The following UBR4 variants were observed in gnomAD, a reference collection of about 807,000 sequenced individuals.
UBR4 encodes ubiquitin protein ligase E3 component n-recognin 4.
Under a neutral mutation model 575.6 loss-of-function variants are expected in UBR4, and 124 were observed. That is an observed-to-expected ratio of 0.22 (90% CI 0.19 to 0.25). The LOEUF is 0.25. Ranked by LOEUF, UBR4 falls within the 10% of genes least tolerant of loss-of-function variation. The pLI is 1.00. For synonymous variants in UBR4, 2,455 were observed against 2,473.7 expected (o/e 0.99, Z 0.22); for missense variants, 4,818 against 6,478.8 (o/e 0.74, Z 8.80).
intron 69 of UBR4, 32 bp from the exon 70 acceptor site, chr1:19,119,733 C>A: frequency 6.3e-7 from 1 of 1,585,540 alleles, no homozygotes; most frequent in Non-Finnish European, 8.6e-7. Context: ...TGTTACCAAG[C>A]AGCAGAAAAC....
In UBR4 at chr1:19,122,855, T is replaced by C. The variant is rs1253378001; in HGVS notation, c.9794A>G (p.Gln3265Arg). The change falls in exon 66 of 106, where the codon CAA becomes CGA. Residue 3265 changes from glutamine to arginine, a missense_variant. Transcript: ENST00000375254. ...TACCAGGCTGATGAGTGTGTCATAT[T>C]GCAAGGCGGAGCCTGAGCTGGCTGT... Reference protein sequence around the residue: ...VVTASSGSALQYDTLISLMEH... With the variant: ...VVTASSGSALRYDTLISLMEH... 1 of 1,614,146 alleles carries C rather than the reference T, an allele frequency of 6.2e-7. No individual in the cohort carries two copies. The highest frequency in any genetic ancestry group is 8.5e-7 in the Non-Finnish European group (1 of 1,180,044).
chr1:19,103,287 T>C (rs1201633778), intron 87 of UBR4, among the ~76,000 whole-genome samples: 5 of 152,160 alleles, frequency 3.3e-5, no homozygotes, highest in Non-Finnish European at 4.4e-5. Flanking sequence ...TGTGAATTTT[T>C]AAAAAGAGAC....
chr1:19,210,212 C>A lies in UBR4; in HGVS notation c.37G>T (p.Ala13Ser). Residue 13 changes from alanine to serine, a missense_variant, in exon 1 of 106, where the codon GCT becomes TCT. Ala to Ser is a moderately conservative substitution (Grantham distance 99). Coordinates refer to ENST00000375254, the MANE Select transcript of UBR4 (RefSeq NM_020765.3). ...TSGGEEAAAA[A>S]PAPGTPATGA... The stretch of plus-strand genomic sequence containing the variant: ...GTTGCCGGGGTCCCCGGCGCCGGAG[C>A]CGCTGCCGCCGCCTCTTCGCCGCCG... 6.9e-7 allele frequency: 1 copy of A among 1,451,350 alleles called. No individual in the cohort carries two copies. The highest frequency in any genetic ancestry group is 9.0e-7 in the Non-Finnish European group (1 of 1,105,786). The allele number at this position is 1,451,350 out of a possible 1,614,324, so 89.9% of individuals were successfully genotyped here. A position where few individuals can be genotyped will look rare whatever the true frequency, so the allele number is the denominator to read the frequency against.
chr1:19,175,933 A>G (rs960656421), intron 20 of UBR4, among the ~76,000 whole-genome samples: 3 of 151,996 alleles, frequency 2.0e-5, no homozygotes, highest in African/African-American at 7.3e-5. Flanking sequence ...AGCTGGCACC[A>G]CAGGCACGTG....
chr1:19,189,427 A>C (rs1322433366), intron 11 of UBR4, among the ~76,000 whole-genome samples: 1 of 152,224 alleles, frequency 6.6e-6, no homozygotes, highest in Non-Finnish European at 1.5e-5. Context: ...GCGCTTAGCA[A>C]TAGGGGAATT....
At chr1:19,177,767 T>C in intron 18 of UBR4, 24 bp from the exon 19 acceptor site, 1 of 1,602,386 alleles carries the variant, frequency 6.2e-7, no homozygotes, top group Non-Finnish European at 8.5e-7. Flanking sequence ...AAGATGACTA[T>C]ATCTGGTGGG....
In UBR4 at chr1:19,151,468, T is replaced by C; in HGVS notation, c.7213+175A>G. 4 of 699,106 alleles carry C rather than the reference T, an allele frequency of 5.7e-6. No homozygotes were observed. In the South Asian group the frequency reaches 7.0e-5, roughly 12 times the overall value. 43.3% of individuals were successfully genotyped at this position (699,106 alleles called of 1,614,324 possible). On this transcript the variant is annotated intron_variant, in intron 48 of 105. Coordinates refer to ENST00000375254, the MANE Select transcript of UBR4 (RefSeq NM_020765.3). ...CTGCTACCATGCTCCGGTGTACTCC[T>C]TTCCTGTCACCTTGCCTCTTTAATA... is the stretch of plus-strand genomic sequence containing the variant.
At chr1:19,121,549 C>T in intron 67 of UBR4, 115 bp from the exon 68 acceptor site, 1 of 1,322,818 alleles carries the variant, frequency 7.6e-7, no homozygotes, top group Non-Finnish European at 1.0e-6. Context: ...GCTTTCTTTG[C>T]CATGTTCTCT....
chr1:19,113,067 A>AT (rs2080077999), intron 77 of UBR4, 200 bp from the exon 78 acceptor site: 1 of 575,624 alleles, frequency 1.7e-6, no homozygotes, highest in South Asian at 2.5e-5. Flanking sequence ...CTTGACCAAG[A>AT]TAAGTGGCAG....
rs778571055 is a variant in UBR4 at position 19,156,835 on chromosome 1, G to A, written c.5851C>T (p.Pro1951Ser). Reference protein sequence around the residue: ...TLTRLASAPVPFTVLSLTGNP... With the variant: ...TLTRLASAPVSFTVLSLTGNP... The stretch of plus-strand genomic sequence containing the variant: ...CCTGTGAGGCTCAACACAGTAAAAG[G>A]AACTGGGGCAGAAGCCAAGCGGGTC... The change falls in exon 41 of 106, where the codon CCT (proline) becomes TCT (serine). Residue 1951 changes from proline (P) to serine (S), a missense_variant. Around this residue, in one of 29 missense-constraint regions of UBR4, gnomAD observed 461 missense variants for 606.9 expected, o/e 0.76. Coordinates refer to ENST00000375254, the MANE Select transcript of UBR4 (RefSeq NM_020765.3). The A allele has an allele frequency of 6.2e-7, 1 of 1,614,142 alleles. No individual in the cohort carries two copies. Among genetic ancestry groups the A allele is most frequent in the Non-Finnish European group, 8.5e-7 (1 of 1,180,002 alleles).
intron 32 of UBR4, 80 bp downstream of exon 32, chr1:19,164,719 G>A (rs2088010161): frequency 6.6e-7 from 1 of 1,522,420 alleles, no homozygotes; most frequent in South Asian, 1.2e-5. Context: ...TAAGACTGGT[G>A]CCCGAAGGAA....
At position 19,190,312 on chromosome 1, in the gene UBR4, A is replaced by AAAAAAAAAAATATATATATAT; in HGVS notation, c.1394+1875_1394+1876insATATATATATATTTTTTTTTT. On this transcript the variant is annotated intron_variant, in intron 11 of 105. Transcript: ENST00000375254. ...TGCCTCAAAAAAAAAAAAAAAAAAA[A>AAAAAAAAAAATATATATATAT]ATATATATATATATATATTTGTATG... is the stretch of plus-strand genomic sequence containing the variant. 1.8e-3 allele frequency among the ~76,000 whole-genome samples: 146 copies of AAAAAAAAAAATATATATATAT among 79,768 alleles called. 1 individual carries two copies. Among genetic ancestry groups the AAAAAAAAAAATATATATATAT allele is most frequent in the African/African-American group, 2.7e-3 (50 of 18,736 alleles). 52.3% of individuals were successfully genotyped at this position (79,768 alleles called of 152,430 possible). A position where few individuals can be genotyped will look rare whatever the true frequency, so the allele number is the denominator to read the frequency against.
At position 19,184,183 on chromosome 1, in the gene UBR4, G is replaced by A. The variant is rs1455900527; in HGVS notation, c.1939-8C>T. ...GGAAGCCAGACCTAAGAACTGAAAG[G>A]AACACACACAAAAAAGCTCTTATCA... On this transcript the variant is annotated splice_region_variant and splice_polypyrimidine_tract_variant and intron_variant, in intron 15 of 105. Coordinates refer to ENST00000375254, the MANE Select transcript of UBR4 (RefSeq NM_020765.3). 1.2e-6 allele frequency: 2 copies of A among 1,611,936 alleles called. No homozygotes were observed. Among genetic ancestry groups the A allele is most frequent in the Non-Finnish European group, 1.7e-6 (2 of 1,179,292 alleles).
intron 34 of UBR4, among the ~76,000 whole-genome samples, chr1:19,163,293 G>A (rs902832525): frequency 1.3e-5 from 2 of 152,236 alleles, no homozygotes; most frequent in Non-Finnish European, 2.9e-5. Flanking sequence ...TGGGCAGGAG[G>A]AGAAAATGCC....
intron 75 of UBR4, among the ~76,000 whole-genome samples, 172 bp downstream of exon 75, chr1:19,114,639 A>G (rs937894736): frequency 1.3e-5 from 2 of 152,228 alleles, no homozygotes; most frequent in African/African-American, 4.8e-5. Context: ...CATGTCTTTC[A>G]ATACAATATA....
At position 19,084,612 on chromosome 1, in the gene UBR4, C is replaced by A. The variant is rs1452153794; in HGVS notation, c.14900G>T (p.Arg4967Leu). 6.2e-7 allele frequency: 1 copy of A among 1,614,134 alleles called. No individual in the cohort carries two copies. Among genetic ancestry groups the A allele is most frequent in the Non-Finnish European group, 8.5e-7 (1 of 1,179,970 alleles). The change falls in exon 102 of 106, where the codon CGC becomes CTC. Residue 4967 changes from arginine to leucine, a missense_variant. Arg to Leu is a moderately radical substitution (Grantham distance 102). Transcript: ENST00000375254. ...GCTGAACGACTGCTCCATGGCGAAG[C>A]GCAGGAAGAGCAGTTTGATGTCATG... Reference protein sequence around the residue: ...NIHDIKLLFLRFAMEQSFSAD... With the variant: ...NIHDIKLLFLLFAMEQSFSAD...
intron 5 of UBR4, 28 bp from the exon 6 acceptor site, chr1:19,198,077 A>G (rs759047409): frequency 1.2e-6 from 2 of 1,605,150 alleles, no homozygotes; most frequent in Non-Finnish European, 1.7e-6. Context: ...GCCTGTCAAG[A>G]TACTATTATC....
rs776311861 is a variant in UBR4 at position 19,210,068 on chromosome 1, G to A, written c.176+5C>T. On this transcript the variant is annotated splice_donor_5th_base_variant and intron_variant, in intron 1 of 105. Coordinates refer to ENST00000375254, the MANE Select transcript of UBR4 (RefSeq NM_020765.3). Reference sequence around the variant, plus strand: ...GCGTCGCCCGCCAGAGCCGCCGCCCGGTACCTCTCGATGACTGAGGCCACC... The same window carrying A: ...GCGTCGCCCGCCAGAGCCGCCGCCCAGTACCTCTCGATGACTGAGGCCACC... 1 of 1,549,622 alleles carries A rather than the reference G, an allele frequency of 6.5e-7. No individual in the cohort carries two copies. The highest frequency in any genetic ancestry group is 8.7e-7 in the Non-Finnish European group (1 of 1,149,714).
chr1:19,172,355 A>G (rs2089687347), intron 25 of UBR4, among the ~76,000 whole-genome samples: 1 of 152,026 alleles, frequency 6.6e-6, no homozygotes, highest in South Asian at 2.1e-4. Context: ...CGTCTCTACT[A>G]AAAACACAAA....
Sources: allele counts gnomAD v4.1 joint callset (sites outside exome capture counted in the v4.1 genomes callset), GRCh38; gene constraint gnomAD v4.1.1; regional missense constraint gnomAD v4.1.1; transcripts MANE v1.5; gene names NCBI Gene and HGNC (gene_info 2026-07-23, HGNC 2026-07-21).